The following ZNF765 variants were observed in gnomAD, a reference collection of about 807,000 sequenced individuals.
The protein encoded by ZNF765 is zinc finger protein 765.
ZNF765 carries 37 observed loss-of-function variants against 44.7 expected under a neutral mutation model. The observed-to-expected ratio is 0.83, with a 90% CI of 0.64 to 1.09. The LOEUF is 1.09. ZNF765 is among the 50% of genes least tolerant of loss of function. The probability of loss-of-function intolerance (pLI) is 0.00; values close to 1 mark genes in which losing one functional copy is unlikely to be tolerated. For missense variants in ZNF765, 594 were observed against 626.1 expected, an observed-to-expected ratio of 0.95 and a Z score of 0.55; for synonymous variants, 201 against 213.7, an observed-to-expected ratio of 0.94 and a Z score of 0.52.
chr19:53,399,029 G>A (rs2085696885), intron 2 of ZNF765, among the ~76,000 whole-genome samples: 1 of 151,882 alleles, frequency 6.6e-6, no homozygotes, highest in Admixed American at 6.6e-5. Flanking sequence ...GGGATTACAG[G>A]TATAAGCCAC....
In ZNF765 at chr19:53,408,978, T is replaced by C. The variant is rs751254188; in HGVS notation, c.1423T>C (p.Phe475Leu). The C allele has an allele frequency of 1.2e-6, 2 of 1,603,806 alleles. No individual in the cohort carries two copies. Among genetic ancestry groups the C allele is most frequent in the East Asian group, 4.5e-5 (2 of 44,310 alleles). ...PYKCNECGKT[F>L]SRTSSLTYHH... Reference sequence around the variant, plus strand: ...CAAGTGTAATGAGTGTGGCAAGACCTTCAGCCGGACGTCATCCCTTACATA... The same window carrying C: ...CAAGTGTAATGAGTGTGGCAAGACCCTCAGCCGGACGTCATCCCTTACATA... The change falls in exon 4 of 4, where the codon TTC (phenylalanine) becomes CTC (leucine). Residue 475 changes from phenylalanine to leucine, a missense_variant. Phe to Leu is a conservative substitution (Grantham distance 22, BLOSUM62 0). This residue lies in a region of ZNF765 where 567 missense variants were observed against 572.6 expected (regional missense o/e 0.99). Coordinates refer to ENST00000396408, the MANE Select transcript of ZNF765 (RefSeq NM_001040185.3).
intron 2 of ZNF765, among the ~76,000 whole-genome samples, chr19:53,401,740 G>T (rs894420853): frequency 6.6e-6 from 1 of 152,024 alleles, no homozygotes; most frequent in African/African-American, 2.4e-5. Context: ...ACTGGTCGTG[G>T]TGGCACGTGC....
intron 3 of ZNF765, among the ~76,000 whole-genome samples, chr19:53,419,200 A>G (rs16984862): frequency 0.013 from 1,964 of 152,284 alleles, 54 homozygotes; most frequent in African/African-American, 0.045. Context: ...TCTAAAATCT[A>G]TCTGTGGTTC....
exon 4 of ZNF765, chr19:53,426,369 C>T (rs1398543098): frequency 1.3e-5 from 2 of 152,134 alleles, no homozygotes; most frequent in Non-Finnish European, 2.9e-5. Flanking sequence ...GTAGCAGGAT[C>T]TGGGCTGCTT....
rs770450992 is a variant in ZNF765, at chr19:53,409,167, A to C, written c.*40A>C. On this transcript the variant is annotated 3_prime_UTR_variant, in exon 4 of 4. Coordinates refer to ENST00000396408, the MANE Select transcript of ZNF765 (RefSeq NM_001040185.3). ...CCTTCAATCAGGAGTTAACCCTTAC[A>C]TGCCATCGTAGGCTTCATAGTGGAG... 3.9e-6 allele frequency: 6 copies of C among 1,523,042 alleles called. No individual in the cohort carries two copies. Among genetic ancestry groups the C allele is most frequent in the Non-Finnish European group, 4.6e-6 (5 of 1,098,096 alleles). The allele number at this position is 1,523,042 out of a possible 1,614,324, so 94.3% of individuals were successfully genotyped here.
chr19:53,397,791 A>T (rs1434719985), intron 1 of ZNF765, among the ~76,000 whole-genome samples, 152 bp from the exon 2 acceptor site: 4 of 151,690 alleles, frequency 2.6e-5, no homozygotes, highest in Non-Finnish European at 1.5e-5. Flanking sequence ...GGGGAGTGGG[A>T]GTTTTCCTGT....
chr19:53,410,283 C>CCTAAA lies in ZNF765; in HGVS notation c.*1156_*1157insCTAAA, dbSNP rs2085821599. 1 of 359,438 alleles carries CCTAAA rather than the reference C, an allele frequency of 2.8e-6. No homozygotes were observed. Among genetic ancestry groups the CCTAAA allele is most frequent in the South Asian group, 2.4e-5 (1 of 41,814 alleles). The allele number at this position is 359,438 out of a possible 1,614,324, so 22.3% of individuals were successfully genotyped here. ...AATGTGAAGCATGTGACAAAGTTTA[C>CCTAAA]AGTCGCAAATCAAGCCTCCAAAGAC... is the stretch of plus-strand genomic sequence containing the variant. On this transcript the variant is annotated 3_prime_UTR_variant, in exon 4 of 4. Transcript: ENST00000396408.
At chr19:53,404,483 C>T (rs1021559731) in intron 3 of ZNF765, among the ~76,000 whole-genome samples, 1 of 152,020 alleles carries the variant, frequency 6.6e-6, no homozygotes, top group Admixed American at 6.6e-5. Context: ...GACGGAGTCT[C>T]GGTCTGTCAC....
intron 3 of ZNF765, among the ~76,000 whole-genome samples, chr19:53,405,038 T>C (rs1170719730): frequency 6.6e-6 from 1 of 152,026 alleles, no homozygotes; most frequent in Non-Finnish European, 1.5e-5. Flanking sequence ...GCCAGCATGG[T>C]GAAACCTCAA....
At chr19:53,399,229 TC>T (rs1393626864) in intron 2 of ZNF765, among the ~76,000 whole-genome samples, 1 of 97,814 alleles carries the variant, frequency 1.0e-5, no homozygotes, top group African/African-American at 4.0e-5. Context: ...ATGCTATCCC[TC>T]CCCCCTCCCC....
rs2085687027 is a variant in ZNF765 at position 53,397,966 on chromosome 19, T to A, written c.-50T>A. 1.2e-6 allele frequency: 2 copies of A among 1,610,690 alleles called. No homozygotes were observed. Among genetic ancestry groups the A allele is most frequent in the African/African-American group, 2.7e-5 (2 of 74,870 alleles). ...AGGATTGACTTCTAAAGACTCTTGG[T>A]ATGTGAGGAAGAAACCTGGAAGAGG... is the stretch of plus-strand genomic sequence containing the variant. On this transcript the variant is annotated 5_prime_UTR_variant, in exon 2 of 4. Coordinates refer to ENST00000396408, the MANE Select transcript of ZNF765 (RefSeq NM_001040185.3).
At chr19:53,414,242 A>G (rs77442444), downstream of ZNF765, among the ~76,000 whole-genome samples, 167 of 148,860 alleles carry the variant, frequency 1.1e-3, 7 homozygotes, top group African/African-American at 3.8e-3. Flanking sequence ...CTCCATCTCA[A>G]AAAAAAAAAA....
Position 53,408,996 on chromosome 19 carries a change from C to T in ZNF765, c.1441C>T (p.Leu481Phe), listed in dbSNP as rs541894505. Residue 481 changes from leucine to phenylalanine, a missense_variant, in exon 4 of 4, where the codon CTT becomes TTT. This residue lies in a region of ZNF765 where 567 missense variants were observed against 572.6 expected (regional missense o/e 0.99). Coordinates refer to ENST00000396408, the MANE Select transcript of ZNF765 (RefSeq NM_001040185.3). ...CAAGACCTTCAGCCGGACGTCATCCCTTACATACCATCATAGACTTCATAC... is the reference window on the plus strand; with the variant it reads ...CAAGACCTTCAGCCGGACGTCATCCTTTACATACCATCATAGACTTCATAC... ...CGKTFSRTSS[L>F]TYHHRLHTGQ... 3 of 1,603,432 alleles carry T rather than the reference C, an allele frequency of 1.9e-6. No homozygotes were observed. The highest frequency in any genetic ancestry group is 1.7e-4 in the Middle Eastern group (1 of 6,014).
At chr19:53,400,013 C>A (rs984739141) in intron 2 of ZNF765, among the ~76,000 whole-genome samples, 5 of 152,040 alleles carry the variant, frequency 3.3e-5, no homozygotes, top group African/African-American at 1.2e-4. Flanking sequence ...CAGGGTTTCA[C>A]CATGTGGGCC....
intron 3 of ZNF765, among the ~76,000 whole-genome samples, chr19:53,420,246 T>C (rs907476699): frequency 6.6e-6 from 1 of 151,796 alleles, no homozygotes; most frequent in Non-Finnish European, 1.5e-5. Flanking sequence ...GCAGGAGAAA[T>C]GCTTAAACCA....
chr19:53,421,555 C>A (rs985419276), intron 3 of ZNF765, among the ~76,000 whole-genome samples: 4 of 152,094 alleles, frequency 2.6e-5, no homozygotes, highest in African/African-American at 9.7e-5. Context: ...ACTCTTGTTA[C>A]CCGGGCTGGA....
rs1326846632 is a variant in ZNF765 at position 53,409,176 on chromosome 19, T to C, written c.*49T>C. 1 of 1,472,246 alleles carries C rather than the reference T, an allele frequency of 6.8e-7. No individual in the cohort carries two copies. Among genetic ancestry groups the C allele is most frequent in the Non-Finnish European group, 9.5e-7 (1 of 1,052,724 alleles). The allele number at this position is 1,472,246 out of a possible 1,614,324, so 91.2% of individuals were successfully genotyped here. A position where few individuals can be genotyped will look rare whatever the true frequency, so the allele number is the denominator to read the frequency against. On this transcript the variant is annotated 3_prime_UTR_variant, in exon 4 of 4. Coordinates refer to ENST00000396408, the MANE Select transcript of ZNF765 (RefSeq NM_001040185.3). ...AGGAGTTAACCCTTACATGCCATCGTAGGCTTCATAGTGGAGAGAAACCTT... is the reference window on the plus strand; with the variant it reads ...AGGAGTTAACCCTTACATGCCATCGCAGGCTTCATAGTGGAGAGAAACCTT...
chr19:53,422,183 C>A (rs2085911454), intron 3 of ZNF765, among the ~76,000 whole-genome samples: 1 of 151,968 alleles, frequency 6.6e-6, no homozygotes, highest in Admixed American at 6.6e-5. Flanking sequence ...ATATAAAGAC[C>A]AGGTATAAAA....
At chr19:53,397,881 T>C (rs2085686216) in intron 1 of ZNF765, 62 bp from the exon 2 acceptor site, 2 of 1,419,270 alleles carry the variant, frequency 1.4e-6, no homozygotes, top group Admixed American at 4.0e-5. Flanking sequence ...GTATGTGTTG[T>C]TGTGTTACAG....
Sources: allele counts gnomAD v4.1 joint callset (sites outside exome capture counted in the v4.1 genomes callset), GRCh38; gene constraint gnomAD v4.1.1; regional missense constraint gnomAD v4.1.1; transcripts MANE v1.5; gene names NCBI Gene and HGNC (gene_info 2026-07-23, HGNC 2026-07-21).